The following CFAP299 variants were observed in gnomAD, a reference collection of about 807,000 sequenced individuals.
CFAP299 encodes cilia and flagella associated protein 299.
In CFAP299, 21 loss-of-function variants were observed where a neutral mutation model predicts 27.0. The observed-to-expected ratio is 0.78, with a 90% CI of 0.55 to 1.12. The LOEUF (loss-of-function observed/expected upper bound fraction) is 1.12. Among genes scored for constraint, CFAP299 ranks in the 50% most tolerant of loss-of-function variants. CFAP299 has a pLI of 0.00. For synonymous variants in CFAP299, 104 were observed against 98.1 expected (o/e 1.06, Z -0.36); for missense variants, 310 against 276.6 (o/e 1.12, Z -0.86).
At chr4:80,735,079 A>G (rs1013279230) in intron 3 of CFAP299, among the ~76,000 whole-genome samples, 1 of 152,158 alleles carries the variant, frequency 6.6e-6, no homozygotes, top group Non-Finnish European at 1.5e-5. Flanking sequence ...CTTCCTATCC[A>G]TGAACTGGAA....
intron 3 of CFAP299, among the ~76,000 whole-genome samples, chr4:80,736,923 A>T (rs1240092798): frequency 1.3e-5 from 2 of 152,172 alleles, no homozygotes; most frequent in East Asian, 3.9e-4. Context: ...CAAATGTCCA[A>T]CAATGATAGA....
chr4:80,604,924 A>T (rs903347381), intron 3 of CFAP299, among the ~76,000 whole-genome samples: 18 of 151,884 alleles, frequency 1.2e-4, no homozygotes, highest in African/African-American at 4.1e-4. Flanking sequence ...CTAGGAAAGG[A>T]TAAGGGAGAG....
intron 3 of CFAP299, among the ~76,000 whole-genome samples, chr4:80,717,732 A>C (rs541185396): frequency 6.6e-6 from 1 of 152,244 alleles, no homozygotes; most frequent in East Asian, 1.9e-4. Context: ...CAACAACCCA[A>C]CTAGGTTGAC....
intron 2 of CFAP299, among the ~76,000 whole-genome samples, chr4:80,380,154 A>G (rs1724625664): frequency 6.6e-6 from 1 of 152,152 alleles, no homozygotes; most frequent in African/African-American, 2.4e-5. Context: ...ATTGTTCAAT[A>G]TCATCTTCAC....
At chr4:80,464,719 A>G (rs1729623343) in intron 2 of CFAP299, among the ~76,000 whole-genome samples, 1 of 152,180 alleles carries the variant, frequency 6.6e-6, no homozygotes, top group African/African-American at 2.4e-5. Context: ...GGACCAAATG[A>G]CATACAACCT....
intron 2 of CFAP299, among the ~76,000 whole-genome samples, chr4:80,390,800 T>TATATATACATATACAC (rs1725391455): frequency 7.0e-6 from 1 of 143,368 alleles, no homozygotes; most frequent in Non-Finnish European, 1.5e-5. Context: ...TATGTATATG[T>TATATATACATATACAC]ATATATGTAT....
intron 2 of CFAP299, among the ~76,000 whole-genome samples, chr4:80,406,445 A>G (rs1314762998): frequency 6.6e-6 from 1 of 152,180 alleles, no homozygotes; most frequent in Non-Finnish European, 1.5e-5. Flanking sequence ...GGTTCACTGC[A>G]GCCTCAATCT....
intron 3 of CFAP299, among the ~76,000 whole-genome samples, chr4:80,680,908 G>C (rs1375020828): frequency 6.6e-6 from 1 of 152,120 alleles, no homozygotes; most frequent in African/African-American, 2.4e-5. Context: ...ATGGGTTGCA[G>C]ACTGCAGAAA....
intron 2 of CFAP299, among the ~76,000 whole-genome samples, chr4:80,569,775 C>T (rs917294678): frequency 1.3e-5 from 2 of 151,792 alleles, no homozygotes; most frequent in African/African-American, 2.4e-5. Context: ...TTATTAAGAA[C>T]AAATGCAATA....
chr4:80,388,058 C>A, intron 2 of CFAP299: 1 of 689,832 alleles, frequency 1.4e-6, no homozygotes, highest in Non-Finnish European at 2.6e-6. Flanking sequence ...CTCCACCATT[C>A]CACTCCCAGC....
At chr4:80,393,375 C>G (rs1725599710) in intron 2 of CFAP299, among the ~76,000 whole-genome samples, 1 of 152,022 alleles carries the variant, frequency 6.6e-6, no homozygotes, top group Non-Finnish European at 1.5e-5. Context: ...TTAGTGTAGC[C>G]TAGTGCAGTG....
chr4:80,813,917 A>G (rs1038998882), intron 3 of CFAP299, among the ~76,000 whole-genome samples: 3 of 152,018 alleles, frequency 2.0e-5, no homozygotes, highest in African/African-American at 7.2e-5. Flanking sequence ...AATTTGTTTC[A>G]TCTATTTTCT....
At chr4:80,949,804 C>A (rs1046121292) in intron 5 of CFAP299, among the ~76,000 whole-genome samples, 2 of 151,976 alleles carry the variant, frequency 1.3e-5, no homozygotes, top group African/African-American at 4.8e-5. Flanking sequence ...AGGACTGAGG[C>A]AGATCTTGGA....
upstream of CFAP299, among the ~76,000 whole-genome samples, chr4:80,334,451 T>A (rs1368237843): frequency 2.0e-5 from 3 of 152,204 alleles, no homozygotes; most frequent in Admixed American, 6.5e-5. Context: ...CTAATTTTTG[T>A]AATTTTAGTA....
intron 2 of CFAP299, among the ~76,000 whole-genome samples, chr4:80,368,267 A>C (rs556760526): frequency 6.9e-4 from 105 of 152,292 alleles, no homozygotes; most frequent in African/African-American, 2.4e-3. Context: ...CTGTATATAC[A>C]TGGATCCCTA....
intron 2 of CFAP299, among the ~76,000 whole-genome samples, chr4:80,480,651 T>G (rs1383847215): frequency 2.0e-5 from 3 of 152,058 alleles, no homozygotes; most frequent in Non-Finnish European, 4.4e-5. Flanking sequence ...TTTTTAGGCC[T>G]AGTCTCCATT....
chr4:80,387,175 TG>T, intron 2 of CFAP299: 1 of 1,359,592 alleles, frequency 7.4e-7, no homozygotes, highest in Non-Finnish European at 1.1e-6. Context: ...GGCTGTGCTG[TG>T]GAAGGAGGCT....
intron 4 of CFAP299, among the ~76,000 whole-genome samples, chr4:80,883,082 A>T (rs1733791934): frequency 2.1e-5 from 3 of 141,040 alleles, no homozygotes; most frequent in Non-Finnish European, 4.5e-5. Flanking sequence ...ATAACAATAT[A>T]ACTACAATAA....
At chr4:80,808,606 T>C (rs554770073) in intron 3 of CFAP299, among the ~76,000 whole-genome samples, 2 of 152,150 alleles carry the variant, frequency 1.3e-5, no homozygotes, top group African/African-American at 2.4e-5. Flanking sequence ...AGTGCCTTTG[T>C]ATTGAGTATA....
Sources: gnomAD v4.1 joint callset for allele counts (sites outside exome capture counted in the v4.1 genomes callset) on GRCh38, gnomAD v4.1.1 for gene constraint, MANE v1.5 for transcripts, NCBI Gene and HGNC (gene_info 2026-07-23, HGNC 2026-07-21) for gene names.